The following MYRIP variants were observed in gnomAD, a reference collection of about 807,000 sequenced individuals.
The protein encoded by MYRIP is rab effector MyRIP.
In MYRIP, 49 loss-of-function variants were observed where a neutral mutation model predicts 98.0. That is an observed-to-expected ratio of 0.50 (90% CI 0.40 to 0.63). The LOEUF (loss-of-function observed/expected upper bound fraction) is 0.63. Ranked by LOEUF, MYRIP falls within the 30% of genes least tolerant of loss-of-function variation. The pLI, the probability that MYRIP is intolerant of heterozygous loss-of-function variation, is 0.00. For synonymous variants in MYRIP, 404 were observed against 409.5 expected (o/e 0.99, Z 0.16); for missense variants, 1,004 against 1,058.2 (o/e 0.95, Z 0.71).
intron 1 of MYRIP, among the ~76,000 whole-genome samples, chr3:39,813,831 G>C (rs1004223150): frequency 1.2e-4 from 19 of 152,220 alleles, no homozygotes; most frequent in Non-Finnish European, 1.5e-5. Context: ...GGGACTCAGC[G>C]TGCCTACTAG....
intron 9 of MYRIP, among the ~76,000 whole-genome samples, chr3:40,184,612 A>G (rs1950978416): frequency 6.6e-6 from 1 of 152,134 alleles, no homozygotes; most frequent in East Asian, 1.9e-4. Context: ...CAAACAAAAA[A>G]CAAACAAAAA....
At chr3:39,938,545 T>C (rs1031723435) in intron 2 of MYRIP, among the ~76,000 whole-genome samples, 3 of 152,190 alleles carry the variant, frequency 2.0e-5, no homozygotes, top group African/African-American at 7.2e-5. Context: ...TATTGCCAAA[T>C]AGTTTTCCTA....
At chr3:39,954,003 G>A (rs992863478) in intron 2 of MYRIP, among the ~76,000 whole-genome samples, 1 of 152,158 alleles carries the variant, frequency 6.6e-6, no homozygotes, top group East Asian at 1.9e-4. Context: ...GGTAAACAAA[G>A]CAGCTGGGAA....
intron 3 of MYRIP, among the ~76,000 whole-genome samples, chr3:40,093,061 G>A (rs907628607): frequency 6.6e-6 from 1 of 152,124 alleles, no homozygotes. Context: ...CCTCAAGGAA[G>A]CACCAGGTTC....
At chr3:39,958,697 A>G (rs1278487712) in intron 2 of MYRIP, among the ~76,000 whole-genome samples, 3 of 152,244 alleles carry the variant, frequency 2.0e-5, no homozygotes, top group Non-Finnish European at 2.9e-5. Flanking sequence ...ATTAAACTAA[A>G]GAGCTTCTGC....
At chr3:40,066,766 CA>C (rs1207396785) in intron 3 of MYRIP, among the ~76,000 whole-genome samples, 3 of 152,162 alleles carry the variant, frequency 2.0e-5, no homozygotes, top group Admixed American at 2.0e-4. Flanking sequence ...GTTATAGGAG[CA>C]AATGAATGAT....
At chr3:40,144,905 G>A (rs994613042) in intron 3 of MYRIP, among the ~76,000 whole-genome samples, 2 of 152,136 alleles carry the variant, frequency 1.3e-5, no homozygotes, top group African/African-American at 2.4e-5. Flanking sequence ...ATCTCTGCTC[G>A]AGTTTGCTCC....
intron 1 of MYRIP, among the ~76,000 whole-genome samples, chr3:39,846,897 A>C (rs1941980562): frequency 6.6e-6 from 1 of 152,196 alleles, no homozygotes; most frequent in Non-Finnish European, 1.5e-5. Flanking sequence ...GTGGACACCC[A>C]GGAGAGCAAA....
chr3:40,216,438 A>G (rs1340232331), intron 11 of MYRIP, among the ~76,000 whole-genome samples: 2 of 152,174 alleles, frequency 1.3e-5, no homozygotes, highest in Non-Finnish European at 2.9e-5. Flanking sequence ...CTGGGTAGAA[A>G]ATATAAAAAC....
intron 1 of MYRIP, among the ~76,000 whole-genome samples, chr3:39,895,015 T>TA (rs1575354626): frequency 1.3e-5 from 2 of 152,210 alleles, no homozygotes; most frequent in Non-Finnish European, 2.9e-5. Context: ...TTATTAATGA[T>TA]ATGTGATATT....
intron 13 of MYRIP, among the ~76,000 whole-genome samples, chr3:40,245,332 C>G (rs114010015): frequency 6.6e-6 from 1 of 152,036 alleles, no homozygotes; most frequent in South Asian, 2.1e-4. Flanking sequence ...TTCTTGGGAC[C>G]CATGACAATT....
chr3:39,873,017 A>C (rs1942852244), intron 1 of MYRIP, among the ~76,000 whole-genome samples: 1 of 152,152 alleles, frequency 6.6e-6, no homozygotes, highest in South Asian at 2.1e-4. Context: ...CTGACTTTTT[A>C]ATGATTGCCA....
intron 2 of MYRIP, among the ~76,000 whole-genome samples, chr3:39,938,123 T>C (rs1944698481): frequency 6.6e-6 from 1 of 152,144 alleles, no homozygotes; most frequent in Non-Finnish European, 1.5e-5. Context: ...ACTGTCTGAG[T>C]TTCATAAGCC....
intron 2 of MYRIP, among the ~76,000 whole-genome samples, chr3:40,028,937 T>C (rs1353442809): frequency 6.6e-6 from 1 of 152,148 alleles, no homozygotes. Context: ...CTAGAGGGCT[T>C]GGTACAGTTA....
At chr3:39,961,463 A>T (rs1249275236) in intron 2 of MYRIP, among the ~76,000 whole-genome samples, 3 of 152,162 alleles carry the variant, frequency 2.0e-5, no homozygotes, top group Non-Finnish European at 4.4e-5. Context: ...GTTACTCTAA[A>T]CTGAATCACT....
chr3:39,879,338 A>G (rs1943102410), intron 1 of MYRIP, among the ~76,000 whole-genome samples: 1 of 150,744 alleles, frequency 6.6e-6, no homozygotes, highest in Non-Finnish European at 1.5e-5. Context: ...CATCTGGGTT[A>G]TCTCAGGGTC....
At chr3:40,079,417 A>C (rs1948426614) in intron 3 of MYRIP, among the ~76,000 whole-genome samples, 1 of 152,202 alleles carries the variant, frequency 6.6e-6, no homozygotes, top group Admixed American at 6.5e-5. Context: ...AGGGAAGTGC[A>C]GCTTCATCAG....
At chr3:40,199,188 C>T (rs1254645798) in intron 10 of MYRIP, among the ~76,000 whole-genome samples, 1 of 152,194 alleles carries the variant, frequency 6.6e-6, no homozygotes, top group African/African-American at 2.4e-5. Flanking sequence ...AGAAACTCAT[C>T]CTGTGGATCC....
At chr3:40,024,968 T>C (rs1210421307) in intron 2 of MYRIP, among the ~76,000 whole-genome samples, 1 of 152,234 alleles carries the variant, frequency 6.6e-6, no homozygotes, top group African/African-American at 2.4e-5. Flanking sequence ...CATTTTCTTA[T>C]TTATTTCTGC....
Sources: gnomAD v4.1 joint callset for allele counts (sites outside exome capture counted in the v4.1 genomes callset) on GRCh38, gnomAD v4.1.1 for gene constraint, MANE v1.5 for transcripts, NCBI Gene and HGNC (gene_info 2026-07-23, HGNC 2026-07-21) for gene names.